CRYZL1: variants seen among roughly 807,000 people sequenced by gnomAD.
The protein encoded by CRYZL1 is crystallin zeta like 1.
In CRYZL1, 34 loss-of-function variants were observed where a neutral mutation model predicts 50.6. The ratio of observed to expected loss-of-function variants is 0.67; its 90% CI spans 0.51 to 0.89. CRYZL1 has a LOEUF of 0.89. Among genes scored for constraint, CRYZL1 ranks in the 40% least tolerant of loss-of-function variants. CRYZL1 has a pLI of 0.00. For missense variants in CRYZL1, 354 were observed against 402.3 expected (o/e 0.88, Z 1.03); for synonymous variants, 125 against 134.3 (o/e 0.93, Z 0.48).
chr21:33,610,835 G>A (rs1010134277), intron 6 of CRYZL1, among the ~76,000 whole-genome samples: 4 of 148,936 alleles, frequency 2.7e-5, no homozygotes, highest in Admixed American at 6.8e-5. Context: ...GAGTTCAAGC[G>A]ATTCTCCTGC....
At chr21:33,606,962 G>A (rs1025931530) in intron 6 of CRYZL1, among the ~76,000 whole-genome samples, 2 of 152,164 alleles carry the variant, frequency 1.3e-5, no homozygotes, top group Non-Finnish European at 2.9e-5. Flanking sequence ...AGTGAGCTGA[G>A]ATCACACCAT....
intron 6 of CRYZL1, among the ~76,000 whole-genome samples, chr21:33,605,109 A>G (rs2086796883): frequency 6.6e-6 from 1 of 152,210 alleles, no homozygotes; most frequent in Non-Finnish European, 1.5e-5. Flanking sequence ...TTCACTGGCC[A>G]TCTGGAATTC....
intron 1 of CRYZL1, chr21:33,641,420 C>A (rs1253894765): frequency 7.8e-7 from 1 of 1,287,506 alleles, no homozygotes; most frequent in Non-Finnish European, 1.0e-6. Context: ...CCTCTGCCTC[C>A]ATAAAAGTAG....
intron 4 of CRYZL1, among the ~76,000 whole-genome samples, chr21:33,617,536 C>T (rs543373247): frequency 3.3e-5 from 5 of 152,194 alleles, no homozygotes; most frequent in African/African-American, 7.2e-5. Flanking sequence ...TTTATTTGGC[C>T]GGGAGCTTCG....
chr21:33,596,233 T>C, intron 10 of CRYZL1: 1 of 449,736 alleles, frequency 2.2e-6, no homozygotes, highest in East Asian at 7.3e-5. Flanking sequence ...TACATAAACA[T>C]ATATAGTAAT....
chr21:33,618,246 G>A (rs556301299), intron 4 of CRYZL1, among the ~76,000 whole-genome samples: 8 of 131,660 alleles, frequency 6.1e-5, no homozygotes, highest in Non-Finnish European at 1.1e-4. Flanking sequence ...CCAAGACTGC[G>A]CCACTGCACT....
chr21:33,612,496 C>T (rs528411152), intron 6 of CRYZL1, among the ~76,000 whole-genome samples: 110 of 152,276 alleles, frequency 7.2e-4, no homozygotes, highest in African/African-American at 2.6e-3. Flanking sequence ...ACCATGTTGG[C>T]CAGGCTGGTC....
At position 33,640,335 on chromosome 21, in the gene CRYZL1, G is replaced by A. The variant is rs982139118; in HGVS notation, c.-7+1346C>T. The A allele has an allele frequency of 1.5e-5, 19 of 1,248,378 alleles. 1 individual carries two copies. The highest frequency in any genetic ancestry group is 3.9e-4 in the Middle Eastern group (2 of 5,182). 77.3% of individuals were successfully genotyped at this position (1,248,378 alleles called of 1,614,324 possible). A position where few individuals can be genotyped will look rare whatever the true frequency, so the allele number is the denominator to read the frequency against. The stretch of plus-strand genomic sequence containing the variant: ...ACAGAGGCATCGATAAGGGAAATTA[G>A]TGATAAAAGGTAGTAATTATACACT... On this transcript the variant is annotated intron_variant, in intron 1 of 12. Transcript: ENST00000381554.
At chr21:33,621,420 C>G (rs1392865125) in intron 4 of CRYZL1, among the ~76,000 whole-genome samples, 1 of 151,288 alleles carries the variant, frequency 6.6e-6, no homozygotes, top group Non-Finnish European at 1.5e-5. Context: ...CGGCTCACTG[C>G]AAGCTCTGCC....
intron 1 of CRYZL1, among the ~76,000 whole-genome samples, chr21:33,638,502 T>C (rs2087238199): frequency 6.6e-6 from 1 of 152,182 alleles, no homozygotes; most frequent in South Asian, 2.1e-4. Context: ...CGTGAGCCAC[T>C]GCACTTGGCC....
intron 1 of CRYZL1, among the ~76,000 whole-genome samples, chr21:33,634,959 G>A (rs1168569174): frequency 6.6e-6 from 1 of 151,528 alleles, no homozygotes; most frequent in Non-Finnish European, 1.5e-5. Flanking sequence ...TCTAAATTAG[G>A]TGAAAATTGC....
intron 4 of CRYZL1, 29 bp downstream of exon 4, chr21:33,621,967 A>C (rs770853755): frequency 2.0e-6 from 3 of 1,467,448 alleles, no homozygotes; most frequent in Admixed American, 1.8e-5. Flanking sequence ...TTAGAAAATA[A>C]ATACATATAC....
At chr21:33,594,156 C>CTTT (rs755337244) in intron 11 of CRYZL1, among the ~76,000 whole-genome samples, 2 of 138,386 alleles carry the variant, frequency 1.4e-5, no homozygotes, top group Non-Finnish European at 1.6e-5. Flanking sequence ...TGGACATTTA[C>CTTT]TTTTTTTTTT....
intron 1 of CRYZL1, chr21:33,641,428 T>A (rs2087332521): frequency 8.2e-7 from 1 of 1,212,298 alleles, no homozygotes; most frequent in South Asian, 1.7e-5. Context: ...TCCATAAAAG[T>A]AGAGGGAGAT....
chr21:33,629,338 T>C (rs1174156572), intron 2 of CRYZL1, among the ~76,000 whole-genome samples: 1 of 152,228 alleles, frequency 6.6e-6, no homozygotes, highest in East Asian at 1.9e-4. Flanking sequence ...CTTGGCTCAC[T>C]ACAACCTCTG....
At position 33,624,683 on chromosome 21, in the gene CRYZL1, C is replaced by T; in HGVS notation, c.144G>A (p.Lys48=). 6.2e-7 allele frequency: 1 copy of T among 1,607,716 alleles called. No homozygotes were observed. Among genetic ancestry groups the T allele is most frequent in the Non-Finnish European group, 8.5e-7 (1 of 1,178,268 alleles). The change falls in exon 3 of 13, where the codon AAG becomes AAA. Residue 48 remains lysine, a splice_region_variant and synonymous_variant. Transcript: ENST00000381554. Reference sequence around the variant, plus strand: ...TGTGCCATAATAAAAGAACCAATACCTTTGTATTTATCTGGCTCAGAGCAC... The same window carrying T: ...TGTGCCATAATAAAAGAACCAATACTTTTGTATTTATCTGGCTCAGAGCAC... ...KACALSQINT[K]LLAEMKMKKD...
chr21:33,614,171 CAAAAAAA>C (rs1174565593), intron 5 of CRYZL1, among the ~76,000 whole-genome samples: 1 of 98,226 alleles, frequency 1.0e-5, no homozygotes, highest in African/African-American at 3.8e-5. Flanking sequence ...GACTCTGTGT[CAAAAAAA>C]AAAAAAAAAA....
chr21:33,608,181 G>A (rs1444624575), intron 6 of CRYZL1, among the ~76,000 whole-genome samples: 1 of 152,090 alleles, frequency 6.6e-6, no homozygotes, highest in East Asian at 1.9e-4. Context: ...TTGGCTGGGC[G>A]CGGTGGCTCA....
At chr21:33,623,960 T>C (rs181182580) in intron 3 of CRYZL1, among the ~76,000 whole-genome samples, 55 of 152,320 alleles carry the variant, frequency 3.6e-4, no homozygotes, top group Non-Finnish European at 4.9e-4. Context: ...ATATGAACCA[T>C]AACTAGTAAT....
Sources: allele counts gnomAD v4.1 joint callset (sites outside exome capture counted in the v4.1 genomes callset), GRCh38; gene constraint gnomAD v4.1.1; transcripts MANE v1.5; gene names NCBI Gene and HGNC (gene_info 2026-07-23, HGNC 2026-07-21).